HDGFL3: variants seen among roughly 807,000 people sequenced by gnomAD.
HDGFL3 encodes the protein HDGF like 3.
HDGFL3 carries 6 observed loss-of-function variants against 27.6 expected under a neutral mutation model. The observed-to-expected ratio is 0.22, with a 90% confidence interval of 0.12 to 0.43. HDGFL3 has a LOEUF of 0.43. HDGFL3 is among the 20% of genes least tolerant of loss of function. The pLI is 1.00. For missense variants in HDGFL3, 207 were observed against 250.1 expected (o/e 0.83, Z 1.16); for synonymous variants, 88 against 88.9 (o/e 0.99, Z 0.05).
At chr15:83,120,585 TTC>T (rs1325252976) in intron 3 of HDGFL3, among the ~76,000 whole-genome samples, 5 of 150,544 alleles carry the variant, frequency 3.3e-5, no homozygotes, top group East Asian at 3.9e-4. Context: ...CTCCAGCTAA[TTC>T]TTTTTTTTTT....
chr15:83,123,916 AT>A (rs1388218007), downstream of HDGFL3, among the ~76,000 whole-genome samples: 3 of 152,206 alleles, frequency 2.0e-5, no homozygotes, highest in African/African-American at 7.2e-5. Context: ...TAAATTCAGA[AT>A]TGCTCTGCAA....
intron 1 of HDGFL3, among the ~76,000 whole-genome samples, chr15:83,170,616 C>T (rs762874960): frequency 2.0e-5 from 3 of 152,058 alleles, no homozygotes; most frequent in Admixed American, 6.5e-5. Context: ...CTATAAGAAT[C>T]GTAGAAGGAA....
chr15:83,178,632 G>A (rs1055524810), intron 1 of HDGFL3, among the ~76,000 whole-genome samples: 2 of 151,830 alleles, frequency 1.3e-5, no homozygotes, highest in African/African-American at 2.4e-5. Context: ...TTCCAGCCTG[G>A]GTGACAGAGT....
intron 1 of HDGFL3, among the ~76,000 whole-genome samples, chr15:83,193,093 T>C (rs937875852): frequency 6.6e-6 from 1 of 152,186 alleles, no homozygotes; most frequent in African/African-American, 2.4e-5. Flanking sequence ...AGTCCCGTTC[T>C]CTGCTTATTT....
At chr15:83,175,263 C>G (rs753249760) in intron 1 of HDGFL3, among the ~76,000 whole-genome samples, 1 of 152,192 alleles carries the variant, frequency 6.6e-6, no homozygotes, top group Non-Finnish European at 1.5e-5. Flanking sequence ...AGAAGCCAGC[C>G]TTAACATTAC....
intron 4 of HDGFL3, among the ~76,000 whole-genome samples, chr15:83,154,849 T>C (rs1044489168): frequency 4.6e-5 from 7 of 152,202 alleles, no homozygotes; most frequent in Non-Finnish European, 1.0e-4. Context: ...TTCATTGATA[T>C]TAAAAATAAA....
At position 83,207,483 on chromosome 15, in the gene HDGFL3, CCGA is replaced by C. The variant is rs1017250756; in HGVS notation, c.-72_-70del. 1.0e-4 allele frequency: 121 copies of C among 1,161,310 alleles called. No individual in the cohort carries two copies. The highest frequency in any genetic ancestry group is 1.2e-4 in the Non-Finnish European group (113 of 913,790). The allele number at this position is 1,161,310 out of a possible 1,614,324, so 71.9% of individuals were successfully genotyped here. A position where few individuals can be genotyped will look rare whatever the true frequency, so the allele number is the denominator to read the frequency against. ...TGCCGGGAGGCCGCCCCCCCGCGGG[CCGA>C]CGAATTGCGCCGCGCTCCCCGCGGG... is the stretch of plus-strand genomic sequence containing the variant. On this transcript the variant is annotated 5_prime_UTR_variant, in exon 1 of 6. Coordinates refer to ENST00000299633, the MANE Select transcript of HDGFL3 (RefSeq NM_016073.4). This position sits in a 1 kb window ranked among gnomAD's most constrained non-coding sequence, Gnocchi z 4.8.
chr15:83,199,524 G>A (rs2037612868), intron 1 of HDGFL3, among the ~76,000 whole-genome samples: 1 of 152,032 alleles, frequency 6.6e-6, no homozygotes. Flanking sequence ...AAATTTTCCA[G>A]TCCCCATACA....
chr15:83,200,662 C>T (rs1190445888), intron 1 of HDGFL3, among the ~76,000 whole-genome samples: 1 of 152,078 alleles, frequency 6.6e-6, no homozygotes, highest in Non-Finnish European at 1.5e-5. Context: ...TAAGAATTAT[C>T]ATCCATCCTA....
At chr15:83,125,840 A>G (rs1188145751), downstream of HDGFL3, among the ~76,000 whole-genome samples, 1 of 152,160 alleles carries the variant, frequency 6.6e-6, no homozygotes, top group Non-Finnish European at 1.5e-5. Context: ...TTTAAGAGTT[A>G]TCTTTATCTG....
In HDGFL3 at chr15:83,120,462, C is replaced by T. The variant is rs562024400; in HGVS notation, c.394-4721G>A. Among the ~76,000 whole-genome samples, 34 of 152,290 alleles carry T rather than the reference C, an allele frequency of 2.2e-4. 1 individual carries two copies. The highest frequency in any genetic ancestry group is 7.5e-4 in the African/African-American group (31 of 41,556). On this transcript the variant is annotated intron_variant, in intron 3 of 3. Transcript: ENST00000568294. Reference sequence around the variant, plus strand: ...AACATTTCAAGTCCGGCCATCTTCTCAGGCCTCCACTTGCTTCTGGGTTAC... The same window carrying T: ...AACATTTCAAGTCCGGCCATCTTCTTAGGCCTCCACTTGCTTCTGGGTTAC...
chr15:83,188,662 A>C (rs2037475025), intron 1 of HDGFL3, among the ~76,000 whole-genome samples: 1 of 152,146 alleles, frequency 6.6e-6, no homozygotes, highest in African/African-American at 2.4e-5. Flanking sequence ...GTCTCGTAAT[A>C]TACTTTTTCC....
intron 2 of HDGFL3, among the ~76,000 whole-genome samples, chr15:83,158,520 T>G (rs2037060358): frequency 6.6e-6 from 1 of 152,246 alleles, no homozygotes; most frequent in Non-Finnish European, 1.5e-5. Flanking sequence ...TGGTTTTAGT[T>G]ACCCATGGTC....
At chr15:83,127,406 T>C (rs1386975977), downstream of HDGFL3, 2 of 1,614,078 alleles carry the variant, frequency 1.2e-6, no homozygotes, top group South Asian at 1.1e-5. Flanking sequence ...GACTGCACTG[T>C]ATGGCTTAGT....
Position 83,135,393 on chromosome 15 carries a change from C to T in HDGFL3, c.*3877G>A, listed in dbSNP as rs1248926675. 6.6e-6 allele frequency: 1 copy of T among 152,092 alleles called. No individual in the cohort carries two copies. The highest frequency in any genetic ancestry group is 1.5e-5 in the Non-Finnish European group (1 of 68,028). The allele number at this position is 152,092 out of a possible 1,614,324, so 9.4% of individuals were successfully genotyped here. On this transcript the variant is annotated 3_prime_UTR_variant, in exon 6 of 6. Transcript: ENST00000299633. Reference sequence around the variant, plus strand: ...TTCTTCATTCTTGTTACTTCTATGCCTTCTCTATAGTGCAGTCTTTTGTCT... The same window carrying T: ...TTCTTCATTCTTGTTACTTCTATGCTTTCTCTATAGTGCAGTCTTTTGTCT...
intron 5 of HDGFL3, among the ~76,000 whole-genome samples, chr15:83,141,877 G>A (rs1242855408): frequency 1.3e-5 from 2 of 152,166 alleles, no homozygotes; most frequent in Non-Finnish European, 2.9e-5. Flanking sequence ...TTTCTAACTG[G>A]GGGAAAGCTA....
At chr15:83,154,751 G>A (rs2037008005) in intron 4 of HDGFL3, among the ~76,000 whole-genome samples, 1 of 152,146 alleles carries the variant, frequency 6.6e-6, no homozygotes, top group Non-Finnish European at 1.5e-5. Flanking sequence ...AATGTGGCAA[G>A]CTTGTCAAAC....
Position 83,127,839 on chromosome 15 carries a change from T to C in HDGFL3, c.*11431A>G, listed in dbSNP as rs1282908142. ...GGATTGAGAGCTGTCACCTTCAAAA[T>C]GTCCATCCAAATTTAAGACTTCAGA... On this transcript the variant is annotated 3_prime_UTR_variant, in exon 6 of 6. Coordinates refer to ENST00000299633, the MANE Select transcript of HDGFL3 (RefSeq NM_016073.4). The C allele has an allele frequency of 7.6e-6, 2 of 262,026 alleles. No homozygotes were observed. The highest frequency in any genetic ancestry group is 1.5e-5 in the Non-Finnish European group (2 of 136,656). The allele number at this position is 262,026 out of a possible 1,614,324, so 16.2% of individuals were successfully genotyped here.
chr15:83,189,687 CCTT>C (rs1330658581), intron 1 of HDGFL3, among the ~76,000 whole-genome samples: 2 of 152,118 alleles, frequency 1.3e-5, no homozygotes, highest in African/African-American at 4.8e-5. Flanking sequence ...GAAGATGTGT[CCTT>C]CTTGTTCACT....
Sources: allele counts gnomAD v4.1 joint callset (sites outside exome capture counted in the v4.1 genomes callset), GRCh38; gene constraint gnomAD v4.1.1; non-coding constraint Gnocchi (gnomAD v3.1); transcripts MANE v1.5; gene names NCBI Gene and HGNC (gene_info 2026-07-23, HGNC 2026-07-21).